TRPV1: variants seen among roughly 807,000 people sequenced by gnomAD.
The protein encoded by TRPV1 is OTRPC1.
In TRPV1, 82 loss-of-function variants were observed where a neutral mutation model predicts 82.3. The ratio of observed to expected loss-of-function variants is 1.00; its 90% CI spans 0.83 to 1.20. TRPV1 has a LOEUF of 1.20. Among genes scored for constraint, TRPV1 ranks in the 50% most tolerant of loss-of-function variants. The pLI is 0.00. For synonymous variants in TRPV1, 515 were observed against 467.7 expected (o/e 1.10, Z -1.30); for missense variants, 1,067 against 1,096.8 (o/e 0.97, Z 0.38).
chr17:3,576,130 A>G (rs2074925306), intron 13 of TRPV1, among the ~76,000 whole-genome samples: 1 of 151,264 alleles, frequency 6.6e-6, no homozygotes, highest in South Asian at 2.1e-4. Context: ...GCTGAGGCAC[A>G]AGAATCACTT....
At chr17:3,570,207 T>C (rs1436032077) in intron 16 of TRPV1, among the ~76,000 whole-genome samples, 1 of 151,770 alleles carries the variant, frequency 6.6e-6, no homozygotes, top group Non-Finnish European at 1.5e-5. Context: ...GTTTCTACTA[T>C]AAAAATACAA....
intron 16 of TRPV1, among the ~76,000 whole-genome samples, chr17:3,569,856 GT>G (rs1804550176): frequency 1.3e-5 from 2 of 151,466 alleles, no homozygotes; most frequent in African/African-American, 4.9e-5. Flanking sequence ...TAACGTCTCT[GT>G]CCCACTTTCA....
intron 10 of TRPV1, among the ~76,000 whole-genome samples, chr17:3,582,558 G>A (rs1375314405): frequency 2.6e-5 from 4 of 151,380 alleles, no homozygotes; most frequent in African/African-American, 9.7e-5. Context: ...GAAAGGTGAT[G>A]TAAAATCTGA....
chr17:3,607,094 T>C (rs1450725943), intron 2 of TRPV1, among the ~76,000 whole-genome samples: 4 of 152,158 alleles, frequency 2.6e-5, no homozygotes, highest in African/African-American at 9.7e-5. Flanking sequence ...ACGCCTGTAA[T>C]CCCAGCACTT....
intron 9 of TRPV1, 143 bp downstream of exon 9, chr17:3,585,625 C>T (rs527523952): frequency 4.8e-5 from 49 of 1,025,428 alleles, no homozygotes; most frequent in South Asian, 3.2e-4. Flanking sequence ...AGGTTCTCCA[C>T]GTTCTCCATC....
At chr17:3,592,026 T>C in intron 3 of TRPV1, 41 bp downstream of exon 3, 1 of 1,591,938 alleles carries the variant, frequency 6.3e-7, no homozygotes, top group Non-Finnish European at 8.5e-7. Context: ...CATGGCCAGC[T>C]GGGCTCCCAG....
At chr17:3,570,872 C>T (rs527251383) in intron 16 of TRPV1, among the ~76,000 whole-genome samples, 1 of 152,200 alleles carries the variant, frequency 6.6e-6, no homozygotes, top group African/African-American at 2.4e-5. Context: ...TGCCACCATG[C>T]CTGGCTAATT....
At chr17:3,581,704 G>A (rs1467082154) in intron 10 of TRPV1, among the ~76,000 whole-genome samples, 6 of 150,570 alleles carry the variant, frequency 4.0e-5, no homozygotes, top group Non-Finnish European at 8.9e-5. Context: ...GGTTAACATG[G>A]TGAAACCCCG....
intron 14 of TRPV1, among the ~76,000 whole-genome samples, chr17:3,573,065 G>A (rs184408939): frequency 1.1e-3 from 173 of 151,866 alleles, no homozygotes; most frequent in African/African-American, 4.1e-3. Context: ...ATGAGATCAG[G>A]TGAGACAGAC....
chr17:3,599,637 T>G (rs1465083255), intron 2 of TRPV1, among the ~76,000 whole-genome samples: 2 of 149,816 alleles, frequency 1.3e-5, no homozygotes, highest in Admixed American at 1.3e-4. Flanking sequence ...CTTTTCTTTT[T>G]TTTTTTTTCG....
chr17:3,593,911 G>A (rs2150852265), intron 2 of TRPV1, among the ~76,000 whole-genome samples: 1 of 152,120 alleles, frequency 6.6e-6, no homozygotes, highest in African/African-American at 2.4e-5. Context: ...GATCACCTGA[G>A]GTCAGGAGTT....
intron 7 of TRPV1, among the ~76,000 whole-genome samples, chr17:3,588,680 G>A (rs752829291): frequency 1.3e-5 from 2 of 152,078 alleles, no homozygotes; most frequent in Non-Finnish European, 2.9e-5. Context: ...CGGGCATGGT[G>A]GCGTGTTCCT....
At chr17:3,580,635 G>T in intron 10 of TRPV1, 108 bp from the exon 11 acceptor site, 1 of 1,152,640 alleles carries the variant, frequency 8.7e-7, no homozygotes, top group Non-Finnish European at 1.3e-6. Context: ...TCGAATGTGT[G>T]AAAGCACAGA....
rs571245473 is a variant in TRPV1, at chr17:3,586,587, C to T, written c.1225-661G>A. Reference sequence around the variant, plus strand: ...TGGAGTTCAAGACCAGCTTGGCCAACGTGGTGAAACTCCTTCTCTACAAAA... The same window carrying T: ...TGGAGTTCAAGACCAGCTTGGCCAATGTGGTGAAACTCCTTCTCTACAAAA... On this transcript the variant is annotated intron_variant, in intron 8 of 16. Coordinates refer to ENST00000572705, the MANE Select transcript of TRPV1 (RefSeq NM_080704.4). Among the ~76,000 whole-genome samples, 5 of 152,232 alleles carry T rather than the reference C, an allele frequency of 3.3e-5. No individual in the cohort carries two copies. In the South Asian group the frequency reaches 6.2e-4, roughly 19 times the overall value.
Position 3,583,399 on chromosome 17 carries a change from T to C in TRPV1, c.1415A>G (p.Tyr472Cys), listed in dbSNP as rs1215107774. ...PPFKMEKTGD[Y>C]FRVTGEILSV... ...CAGGATCTCTCCAGTAACTCGGAAA[T>C]AGTCTCCAGTTTTTTCCATCTTAAA... The change falls in exon 10 of 17, where the codon TAT (tyrosine) becomes TGT (cysteine). Residue 472 changes from tyrosine (Y) to cysteine (C), a missense_variant. Coordinates refer to ENST00000572705, the MANE Select transcript of TRPV1 (RefSeq NM_080704.4). The C allele has an allele frequency of 1.2e-6, 2 of 1,609,454 alleles. No homozygotes were observed. Among genetic ancestry groups the C allele is most frequent in the Non-Finnish European group, 1.7e-6 (2 of 1,177,836 alleles).
chr17:3,584,958 T>C (rs1413924652), intron 9 of TRPV1, among the ~76,000 whole-genome samples: 6 of 152,194 alleles, frequency 3.9e-5, no homozygotes, highest in Non-Finnish European at 1.5e-5. Context: ...GCTGATTTGA[T>C]GGATGGCCCA....
intron 2 of TRPV1, among the ~76,000 whole-genome samples, chr17:3,600,472 C>A (rs1208832949): frequency 2.0e-5 from 3 of 152,134 alleles, no homozygotes; most frequent in South Asian, 2.1e-4. Context: ...GCCTGTAGTC[C>A]CAGCTACTCT....
In TRPV1 at chr17:3,585,921, G is replaced by A. The variant is rs991071319; in HGVS notation, c.1230C>T (p.Arg410=). The change falls in exon 9 of 17, where the codon CGC becomes CGT. Residue 410 remains arginine, a synonymous_variant. Coordinates refer to ENST00000572705, the MANE Select transcript of TRPV1 (RefSeq NM_080704.4). ...IAYSSSETPN[R]HDMLLVEPLN... The stretch of plus-strand genomic sequence containing the variant: ...GCGGCTCCACCAAGAGCATGTCGTG[G>A]CGATTCTAGGGGGTGGGGAGAGAAG... 6.2e-7 allele frequency: 1 copy of A among 1,613,716 alleles called. No individual in the cohort carries two copies. Among genetic ancestry groups the A allele is most frequent in the South Asian group, 1.1e-5 (1 of 91,050 alleles).
At chr17:3,604,177 GAGA>G (rs948733810) in intron 2 of TRPV1, among the ~76,000 whole-genome samples, 1 of 152,248 alleles carries the variant, frequency 6.6e-6, no homozygotes, top group African/African-American at 2.4e-5. Context: ...CTTGGACAAG[GAGA>G]AGGATTCTGC....
Sources: gnomAD v4.1 joint callset for allele counts (sites outside exome capture counted in the v4.1 genomes callset) on GRCh38, gnomAD v4.1.1 for gene constraint, MANE v1.5 for transcripts, NCBI Gene and HGNC (gene_info 2026-07-23, HGNC 2026-07-21) for gene names.